The following SLC7A1 variants were observed in gnomAD, a reference collection of about 807,000 sequenced individuals.
SLC7A1 encodes high affinity cationic amino acid transporter 1.
A neutral mutation model predicts 53.9 loss-of-function variants in SLC7A1; 10 were observed. That is an observed-to-expected ratio of 0.19 (90% CI 0.11 to 0.31). SLC7A1 has a LOEUF of 0.31. Ranked by LOEUF, SLC7A1 falls within the 10% of genes least tolerant of loss-of-function variation. The pLI is 1.00. For missense variants in SLC7A1, 525 were observed against 827.2 expected, an observed-to-expected ratio of 0.63 and a Z score of 4.48; for synonymous variants, 342 against 338.7, an observed-to-expected ratio of 1.01 and a Z score of -0.11.
intron 3 of SLC7A1, among the ~76,000 whole-genome samples, chr13:29,533,219 CA>C (rs1869255115): frequency 1.3e-5 from 2 of 152,242 alleles, no homozygotes; most frequent in Admixed American, 1.3e-4. Flanking sequence ...CCAATATACA[CA>C]GGTGTATTCT....
chr13:29,574,383 C>T (rs17073704), intron 1 of SLC7A1, among the ~76,000 whole-genome samples: 15,527 of 152,210 alleles, frequency 0.1, 882 homozygotes, highest in African/African-American at 0.14. Context: ...ATATCACTGA[C>T]GCTTAATGTT....
intron 5 of SLC7A1, among the ~76,000 whole-genome samples, chr13:29,525,327 G>A (rs1189912422): frequency 1.3e-5 from 2 of 152,190 alleles, no homozygotes; most frequent in Non-Finnish European, 2.9e-5. Context: ...GGCTGGCCTG[G>A]AGCCCAAGAG....
At chr13:29,527,129 GAAC>G (rs1417590258) in intron 5 of SLC7A1, among the ~76,000 whole-genome samples, 1 of 150,872 alleles carries the variant, frequency 6.6e-6, no homozygotes, top group African/African-American at 2.4e-5. Context: ...GCAAGGTGCA[GAAC>G]AATATATACG....
At chr13:29,588,127 A>G (rs374282148) in intron 1 of SLC7A1, among the ~76,000 whole-genome samples, 1 of 152,182 alleles carries the variant, frequency 6.6e-6, no homozygotes, top group East Asian at 1.9e-4. Context: ...AAGAACCCCC[A>G]CACTGCAAAA....
At chr13:29,543,655 G>A (rs947431429) in intron 2 of SLC7A1, among the ~76,000 whole-genome samples, 1 of 151,220 alleles carries the variant, frequency 6.6e-6, no homozygotes, top group Non-Finnish European at 1.5e-5. Flanking sequence ...GGAGGAGGGA[G>A]AAGGGTGGGG....
rs1869227056 is a variant in SLC7A1, at chr13:29,532,813, G to A, written c.529+11C>T. On this transcript the variant is annotated intron_variant, in intron 4 of 12. Transcript: ENST00000380752. ...ACTCTGACCCGATCTCTTTTTAAGT[G>A]TGGGCTTTACCTGTCAAGATGAGAA... 6.2e-7 allele frequency: 1 copy of A among 1,607,180 alleles called. No homozygotes were observed. Among genetic ancestry groups the A allele is most frequent in the Non-Finnish European group, 8.5e-7 (1 of 1,175,130 alleles).
intron 4 of SLC7A1, among the ~76,000 whole-genome samples, chr13:29,532,528 G>C (rs1869208791): frequency 6.6e-6 from 1 of 152,144 alleles, no homozygotes; most frequent in African/African-American, 2.4e-5. Context: ...CACACAAAAA[G>C]CCTGCAGTGC....
chr13:29,542,822 C>T (rs1038552064), intron 2 of SLC7A1, among the ~76,000 whole-genome samples: 6 of 151,394 alleles, frequency 4.0e-5, no homozygotes, highest in African/African-American at 9.7e-5. Context: ...AAAAACCAAT[C>T]GTCCACTTGT....
chr13:29,526,360 T>C (rs1195640394), intron 5 of SLC7A1, among the ~76,000 whole-genome samples: 1 of 152,144 alleles, frequency 6.6e-6, no homozygotes, highest in African/African-American at 2.4e-5. Context: ...TAGTCCCAGC[T>C]ACTTGGGAAA....
At chr13:29,590,717 G>A (rs558413611) in intron 1 of SLC7A1, among the ~76,000 whole-genome samples, 1 of 152,148 alleles carries the variant, frequency 6.6e-6, no homozygotes, top group Admixed American at 6.5e-5. Flanking sequence ...GACTATGTCT[G>A]CCCCTTCTAA....
chr13:29,563,303 G>T (rs935518524), intron 1 of SLC7A1, among the ~76,000 whole-genome samples: 1 of 152,268 alleles, frequency 6.6e-6, no homozygotes, highest in Non-Finnish European at 1.5e-5. Context: ...TGCCAAGGTA[G>T]AGAAAGCCTG....
At chr13:29,549,029 G>T (rs1041603464) in intron 2 of SLC7A1, among the ~76,000 whole-genome samples, 84 of 152,226 alleles carry the variant, frequency 5.5e-4, no homozygotes, top group African/African-American at 1.9e-3. Context: ...GAATGTCACA[G>T]CCTCTTGGCC....
intron 1 of SLC7A1, among the ~76,000 whole-genome samples, chr13:29,557,354 G>A (rs548865112): frequency 1.3e-5 from 2 of 152,066 alleles, no homozygotes; most frequent in African/African-American, 2.4e-5. Context: ...ACCTTTAGGC[G>A]ATTTCATCCT....
chr13:29,529,719 G>A (rs922622903), intron 5 of SLC7A1, among the ~76,000 whole-genome samples: 1 of 152,198 alleles, frequency 6.6e-6, no homozygotes, highest in East Asian at 1.9e-4. Flanking sequence ...GGCAGTTGGA[G>A]GGGGTCTCTT....
chr13:29,588,186 G>A (rs1273716884), intron 1 of SLC7A1, among the ~76,000 whole-genome samples: 1 of 152,176 alleles, frequency 6.6e-6, no homozygotes, highest in Non-Finnish European at 1.5e-5. Flanking sequence ...GTGGACGACT[G>A]CAAGTCAAAT....
At chr13:29,572,358 C>A (rs1418604308) in intron 1 of SLC7A1, among the ~76,000 whole-genome samples, 1 of 152,160 alleles carries the variant, frequency 6.6e-6, no homozygotes, top group African/African-American at 2.4e-5. Flanking sequence ...ATGGCAGGCG[C>A]CACCTAAAGG....
chr13:29,566,814 A>T (rs903244671), intron 1 of SLC7A1, among the ~76,000 whole-genome samples: 11 of 152,226 alleles, frequency 7.2e-5, no homozygotes, highest in Admixed American at 2.0e-4. Flanking sequence ...CCCTATCCAA[A>T]GGGACCCCAG....
intron 5 of SLC7A1, among the ~76,000 whole-genome samples, chr13:29,528,405 C>G (rs1307975691): frequency 6.6e-6 from 1 of 152,212 alleles, no homozygotes; most frequent in South Asian, 2.1e-4. Context: ...TCTTCACAGA[C>G]CAACAGACAG....
In SLC7A1 at chr13:29,512,279, C is replaced by A. The variant is rs762987051; in HGVS notation, c.*2201G>T. Reference sequence around the variant, plus strand: ...TCTGTGTCCAGCTTTAAGGCCTCTGCGTGAGGAAGGCCACAGACTCCCAGC... The same window carrying A: ...TCTGTGTCCAGCTTTAAGGCCTCTGAGTGAGGAAGGCCACAGACTCCCAGC... On this transcript the variant is annotated 3_prime_UTR_variant, in exon 13 of 13. Coordinates refer to ENST00000380752, the MANE Select transcript of SLC7A1 (RefSeq NM_003045.5). 1 of 152,106 alleles carries A rather than the reference C, an allele frequency of 6.6e-6. No homozygotes were observed. The highest frequency in any genetic ancestry group is 6.5e-5 in the Admixed American group (1 of 15,280). 9.4% of individuals were successfully genotyped at this position (152,106 alleles called of 1,614,324 possible).
Sources: gnomAD v4.1 joint callset for allele counts (sites outside exome capture counted in the v4.1 genomes callset) on GRCh38, gnomAD v4.1.1 for gene constraint, MANE v1.5 for transcripts, NCBI Gene and HGNC (gene_info 2026-07-23, HGNC 2026-07-21) for gene names.